Variants in CFAP77 observed in about 807,000 individuals in gnomAD.
The protein encoded by CFAP77 is cilia- and flagella-associated protein 77.
In CFAP77, 25 loss-of-function variants were observed where a neutral mutation model predicts 31.1. The observed-to-expected ratio is 0.80, with a 90% CI of 0.59 to 1.12. The LOEUF is 1.12. Ranked by LOEUF, CFAP77 falls within the 50% of genes most tolerant of loss-of-function variation. The pLI is 0.00. For missense variants in CFAP77, 377 were observed against 397.3 expected (o/e 0.95, Z 0.44); for synonymous variants, 151 against 159.9 (o/e 0.94, Z 0.42).
At chr9:132,570,545 T>C (rs1312849407) in intron 5 of CFAP77, among the ~76,000 whole-genome samples, 1 of 152,242 alleles carries the variant, frequency 6.6e-6, no homozygotes, top group Non-Finnish European at 1.5e-5. Flanking sequence ...CAAAGGGCCC[T>C]GAAACCTCCT....
At chr9:132,440,155 GC>G (rs1440782226) in intron 1 of CFAP77, among the ~76,000 whole-genome samples, 1 of 151,820 alleles carries the variant, frequency 6.6e-6, no homozygotes, top group Non-Finnish European at 1.5e-5. Context: ...ACATTGCGAA[GC>G]CCCCTCTCTA....
At chr9:132,541,954 A>G (rs746026511) in intron 4 of CFAP77, among the ~76,000 whole-genome samples, 12 of 152,090 alleles carry the variant, frequency 7.9e-5, no homozygotes, top group Admixed American at 5.2e-4. Flanking sequence ...GGAAAGAGGA[A>G]ACATAAGCCT....
In CFAP77 at chr9:132,457,798, G is replaced by A. The variant is rs1186338347; in HGVS notation, c.196-40897G>A. ...CAAGGAGGCAGAGAGAGAAAGGGAAGGGAGACGCGAAGGCGGGGAAGGAGC... is the reference window on the plus strand; with the variant it reads ...CAAGGAGGCAGAGAGAGAAAGGGAAAGGAGACGCGAAGGCGGGGAAGGAGC... On this transcript the variant is annotated intron_variant, in intron 1 of 5. Transcript: ENST00000393216. 3.3e-5 allele frequency among the ~76,000 whole-genome samples: 5 copies of A among 152,376 alleles called. No individual in the cohort carries two copies. In the East Asian group the frequency reaches 9.7e-4, roughly 29 times the overall value.
At chr9:132,473,082 C>A (rs955168750) in intron 1 of CFAP77, among the ~76,000 whole-genome samples, 3 of 152,198 alleles carry the variant, frequency 2.0e-5, no homozygotes, top group Middle Eastern at 3.4e-3. Flanking sequence ...GTGCAGGGAC[C>A]CCTCTGTGAG....
At position 132,570,654 on chromosome 9, in the gene CFAP77, C is replaced by A. The variant is rs556236118; in HGVS notation, c.733-1734C>A. Among the ~76,000 whole-genome samples, 3 of 152,292 alleles carry A rather than the reference C, an allele frequency of 2.0e-5. No individual in the cohort carries two copies. In the South Asian group the frequency reaches 6.2e-4, roughly 32 times the overall value. On this transcript the variant is annotated intron_variant, in intron 5 of 5. Coordinates refer to ENST00000393216, the MANE Select transcript of CFAP77 (RefSeq NM_001282957.2). ...TTCCAAAGAGCATCCCCAAGGGGTC[C>A]ACATCCGCTAGAAGGTGAAGAACAT...
intron 1 of CFAP77, among the ~76,000 whole-genome samples, chr9:132,486,845 G>A (rs1851568733): frequency 6.6e-6 from 1 of 152,270 alleles, no homozygotes; most frequent in Non-Finnish European, 1.5e-5. Context: ...AGCTGTCGAG[G>A]GGGAGGGGAG....
At chr9:132,468,791 GCACACA>G (rs35585148) in intron 1 of CFAP77, among the ~76,000 whole-genome samples, 2,146 of 148,674 alleles carry the variant, frequency 0.014, 48 homozygotes, top group African/African-American at 0.046. Flanking sequence ...ACACACACAC[GCACACA>G]CACACACACA....
At chr9:132,506,389 CTTAA>C (rs1469872363) in intron 3 of CFAP77, among the ~76,000 whole-genome samples, 1 of 152,116 alleles carries the variant, frequency 6.6e-6, no homozygotes, top group Non-Finnish European at 1.5e-5. Context: ...CTCGGCACAT[CTTAA>C]TTGTTACTGC....
At chr9:132,544,002 C>T (rs532894981) in intron 5 of CFAP77, among the ~76,000 whole-genome samples, 71 of 152,334 alleles carry the variant, frequency 4.7e-4, no homozygotes, top group African/African-American at 1.7e-3. Context: ...AAGGCAGTCG[C>T]CTGGCCCCGG....
Position 132,499,599 on chromosome 9 carries a change from C to T in CFAP77, c.523C>T (p.Arg175Trp), listed in dbSNP as rs776429690. ...PPNMTFGIRARPSTPFFDLLQ... is the reference protein window; with the variant it reads ...PPNMTFGIRAWPSTPFFDLLQ... ...AAACATGACATTTGGGATCCGGGCA[C>T]GGTAAGGTGGCTGGCAGCCAGGGCT... is the stretch of plus-strand genomic sequence containing the variant. The change falls in exon 3 of 6, where the codon CGG becomes TGG. Residue 175 changes from arginine to tryptophan, a missense_variant and splice_region_variant. By Grantham distance (101) the Arg-to-Trp change is moderately radical. Transcript: ENST00000393216. This position sits in a 1 kb window ranked among gnomAD's most constrained non-coding sequence, Gnocchi z 5.4. The T allele has an allele frequency of 2.9e-5, 47 of 1,613,936 alleles. No individual in the cohort carries two copies. The highest frequency in any genetic ancestry group is 3.3e-5 in the Admixed American group (2 of 60,004).
chr9:132,540,934 C>G (rs967907172), intron 4 of CFAP77, among the ~76,000 whole-genome samples: 1 of 152,148 alleles, frequency 6.6e-6, no homozygotes, highest in African/African-American at 2.4e-5. Flanking sequence ...TAGCGCATAG[C>G]AGGCACTCAG....
intron 3 of CFAP77, among the ~76,000 whole-genome samples, chr9:132,515,798 T>C (rs1589899910): frequency 6.6e-6 from 1 of 152,174 alleles, no homozygotes; most frequent in African/African-American, 2.4e-5. Flanking sequence ...GTGAGGAACT[T>C]TGAGAAGGCC....
At chr9:132,453,323 G>A (rs1850860374) in intron 1 of CFAP77, among the ~76,000 whole-genome samples, 1 of 148,992 alleles carries the variant, frequency 6.7e-6, no homozygotes, top group African/African-American at 2.6e-5. Context: ...TCCGGAGTTC[G>A]AGACCAGCCT....
intron 1 of CFAP77, among the ~76,000 whole-genome samples, chr9:132,484,048 T>A (rs1053522418): frequency 1.3e-5 from 2 of 151,548 alleles, no homozygotes; most frequent in Non-Finnish European, 2.9e-5. Context: ...GAGATTCTCC[T>A]GCCTCAGCCT....
chr9:132,492,108 T>G (rs113234990), intron 1 of CFAP77, among the ~76,000 whole-genome samples: 144 of 152,174 alleles, frequency 9.5e-4, no homozygotes, highest in African/African-American at 3.3e-3. Flanking sequence ...GGCAACATAG[T>G]GAGACCCCAT....
At chr9:132,415,058 A>C (rs941864072) in intron 1 of CFAP77, among the ~76,000 whole-genome samples, 2 of 152,168 alleles carry the variant, frequency 1.3e-5, no homozygotes, top group Admixed American at 1.3e-4. Flanking sequence ...AAAATGTTAC[A>C]CGCAGCTTTA....
chr9:132,461,664 T>C (rs1851052013), intron 1 of CFAP77, among the ~76,000 whole-genome samples: 1 of 152,096 alleles, frequency 6.6e-6, no homozygotes, highest in South Asian at 2.1e-4. Context: ...TCGTGGGGGA[T>C]ATTGGTTTAG....
At chr9:132,438,518 G>GTTATATATATAT (rs1334397510) in intron 1 of CFAP77, among the ~76,000 whole-genome samples, 1 of 111,192 alleles carries the variant, frequency 9.0e-6, no homozygotes, top group Non-Finnish European at 1.7e-5. Flanking sequence ...GAACAGATAT[G>GTTATATATATAT]GTATATATAT....
At chr9:132,456,571 G>A (rs529317) in intron 1 of CFAP77, among the ~76,000 whole-genome samples, 50,359 of 151,742 alleles carry the variant, frequency 0.33, 8,354 homozygotes, top group Admixed American at 0.4. Context: ...GGACTTGAGC[G>A]CCCGTGCAGA....
Sources: gnomAD v4.1 joint callset for allele counts (sites outside exome capture counted in the v4.1 genomes callset) on GRCh38, gnomAD v4.1.1 for gene constraint, Gnocchi (gnomAD v3.1) non-coding constraint, MANE v1.5 for transcripts, NCBI Gene and HGNC (gene_info 2026-07-23, HGNC 2026-07-21) for gene names.